Variants in C12orf76 observed in about 807,000 individuals in gnomAD.
C12orf76 encodes the protein uncharacterized protein C12orf76.
Under a neutral mutation model 6.8 loss-of-function variants are expected in C12orf76, and 6 were observed. The observed-to-expected ratio is 0.88, with a 90% CI of 0.48 to 1.73. The LOEUF (loss-of-function observed/expected upper bound fraction) is 1.73. C12orf76 is among the 40% of genes most tolerant of loss of function. The pLI is 0.01. For synonymous variants in C12orf76, 56 were observed against 43.7 expected (o/e 1.28, Z -1.11); for missense variants, 99 against 98.2 (o/e 1.01, Z -0.03).
chr12:110,067,674 C>T, exon 1 of C12orf76: 1 of 606,652 alleles, frequency 1.6e-6, no homozygotes, highest in Non-Finnish European at 2.1e-6. Flanking sequence ...CTGCACCCGG[C>T]CGGCTCAGTC....
upstream of C12orf76, chr12:110,049,294 C>G (rs1892534184): frequency 6.6e-6 from 1 of 152,434 alleles, no homozygotes. Flanking sequence ...CTGGCCTAAA[C>G]CCAGTTTCAT....
At chr12:110,072,173 T>C (rs149049109), upstream of C12orf76, among the ~76,000 whole-genome samples, 111 of 151,892 alleles carry the variant, frequency 7.3e-4, no homozygotes, top group African/African-American at 2.7e-3. Context: ...ACGCCTGTAA[T>C]CCTAATACTT....
chr12:110,070,827 T>C (rs117546059), upstream of C12orf76, among the ~76,000 whole-genome samples: 11,272 of 152,302 alleles, frequency 0.074, 441 homozygotes, highest in African/African-American at 0.093. Context: ...CAGGCTGGAA[T>C]GAAGTGGCAT....
upstream of C12orf76, chr12:110,049,867 T>C (rs1181628720): frequency 6.6e-6 from 1 of 152,162 alleles, no homozygotes; most frequent in Non-Finnish European, 1.5e-5. Flanking sequence ...CTCCCTGCCC[T>C]GTTCTGTTTC....
upstream of C12orf76, among the ~76,000 whole-genome samples, chr12:110,068,696 C>T (rs762023228): frequency 1.3e-5 from 2 of 152,210 alleles, no homozygotes; most frequent in East Asian, 3.8e-4. Context: ...TCCCCAGTTT[C>T]TATCCCAGTT....
At chr12:110,057,088 G>C in intron 4 of C12orf76, 1 of 767,636 alleles carries the variant, frequency 1.3e-6, no homozygotes, top group Non-Finnish European at 2.3e-6. Context: ...CAGGCTGCTT[G>C]TGCTGGACTC....
chr12:110,068,245 A>AG (rs1892901001), upstream of C12orf76, among the ~76,000 whole-genome samples: 4 of 135,688 alleles, frequency 2.9e-5, no homozygotes, highest in East Asian at 6.4e-4. Flanking sequence ...AAGAAGAAGA[A>AG]GAAAGAAGAA....
chr12:110,052,192 G>A (rs530454182), upstream of C12orf76, among the ~76,000 whole-genome samples: 18 of 149,018 alleles, frequency 1.2e-4, no homozygotes, highest in East Asian at 2.6e-3. Flanking sequence ...CACCGTGCCC[G>A]GCCTTCTTTT....
chr12:110,065,914 G>C, exon 2 of C12orf76: 2 of 1,613,932 alleles, frequency 1.2e-6, no homozygotes, highest in Middle Eastern at 1.6e-4. Context: ...CCAGATCTTT[G>C]CATTTACTGT....
At chr12:110,063,408 G>T (rs571625702) in intron 2 of C12orf76, among the ~76,000 whole-genome samples, 5 of 149,034 alleles carry the variant, frequency 3.4e-5, no homozygotes, top group South Asian at 4.3e-4. Flanking sequence ...CTCAGCCTCC[G>T]AGTAGCTGGG....
chr12:110,053,268 G>A (rs1328132044), upstream of C12orf76, among the ~76,000 whole-genome samples: 1 of 152,094 alleles, frequency 6.6e-6, no homozygotes, highest in Admixed American at 6.6e-5. Context: ...GGAGGCCGAG[G>A]TGGGTGGATC....
At chr12:110,048,603 T>C (rs909613461), upstream of C12orf76, 1 of 1,315,658 alleles carries the variant, frequency 7.6e-7, no homozygotes, top group Non-Finnish European at 9.7e-7. Flanking sequence ...GCGCGCGTCA[T>C]TGCCATGGTA....
At chr12:110,073,425 A>G (rs1268013700) in exon 1 of C12orf76, 12 of 522,482 alleles carry the variant, frequency 2.3e-5, no homozygotes, top group South Asian at 1.7e-4. Flanking sequence ...CACTTACCTA[A>G]CATAGGAAAA....
chr12:110,051,314 C>T (rs769533080), upstream of C12orf76: 154 of 700,752 alleles, frequency 2.2e-4, 1 homozygote, highest in Non-Finnish European at 3.1e-5. Context: ...CAATGGGAAG[C>T]ATAATCATAC....
upstream of C12orf76, among the ~76,000 whole-genome samples, chr12:110,069,186 A>C (rs961185812): frequency 2.0e-5 from 3 of 152,210 alleles, no homozygotes; most frequent in Non-Finnish European, 4.4e-5. Context: ...CACGCCTGTA[A>C]TCCCAGCATT....
chr12:110,042,393 T>C lies in C12orf76; in HGVS notation c.200A>G (p.Lys67Arg). 2 of 1,614,182 alleles carry C rather than the reference T, an allele frequency of 1.2e-6. No homozygotes were observed. The highest frequency in any genetic ancestry group is 1.7e-6 in the Non-Finnish European group (2 of 1,180,000). The change falls in exon 2 of 2, where the codon AAG becomes AGG. Residue 67 changes from lysine (K) to arginine (R), a missense_variant. Lys to Arg is a conservative substitution (Grantham distance 26). Coordinates refer to ENST00000615315, the MANE Select transcript of C12orf76 (RefSeq NM_001389625.1). ...TVILMAFCVY[K>R]PIRRR ...TGGCTGTCACCGACGCCGAATGGGC[T>C]TGTAGACACAAAATGCCATAAGGAT...
intron 1 of C12orf76, among the ~76,000 whole-genome samples, chr12:110,043,401 T>C (rs1892367897): frequency 6.6e-6 from 1 of 152,124 alleles, no homozygotes; most frequent in African/African-American, 2.4e-5. Context: ...CCTCTGGCTT[T>C]TGTGTGGAGA....
chr12:110,068,324 A>AGAG (rs1222959345), upstream of C12orf76, among the ~76,000 whole-genome samples: 16 of 137,274 alleles, frequency 1.2e-4, no homozygotes, highest in South Asian at 6.8e-4. Flanking sequence ...AAGAAGAAGA[A>AGAG]GAAGAAGGCG....
intron 1 of C12orf76, among the ~76,000 whole-genome samples, chr12:110,043,423 A>G (rs139841107): frequency 0.01 from 1,528 of 152,208 alleles, 29 homozygotes; most frequent in Middle Eastern, 0.037. Context: ...TTGTTTGACT[A>G]TAGGGGAGCA....
Sources: gnomAD v4.1 joint callset for allele counts (sites outside exome capture counted in the v4.1 genomes callset) on GRCh38, gnomAD v4.1.1 for gene constraint, MANE v1.5 for transcripts, NCBI Gene and HGNC (gene_info 2026-07-23, HGNC 2026-07-21) for gene names.